TPTE2: variants seen among roughly 807,000 people sequenced by gnomAD.
TPTE2 encodes transmembrane phosphoinositide 3-phosphatase and tensin homolog 2, also known as phosphatidylinositol 3,4,5-trisphosphate 3-phosphatase TPTE2.
Under a neutral mutation model 78.6 loss-of-function variants are expected in TPTE2, and 53 were observed. The observed-to-expected ratio is 0.67, with a 90% CI of 0.54 to 0.85. TPTE2 has a LOEUF of 0.85. TPTE2 is among the 40% of genes least tolerant of loss of function. TPTE2 has a pLI of 0.00. For synonymous variants in TPTE2, 175 were observed against 206.2 expected, an observed-to-expected ratio of 0.85 and a Z score of 1.30; for missense variants, 461 against 623.0, an observed-to-expected ratio of 0.74 and a Z score of 2.77.
intron 13 of TPTE2, among the ~76,000 whole-genome samples, chr13:19,446,844 A>G (rs1877872369): frequency 6.6e-6 from 1 of 152,124 alleles, no homozygotes; most frequent in Non-Finnish European, 1.5e-5. Context: ...AGAGGGGCTG[A>G]GATGGGAGGA....
chr13:19,427,223 T>TAC (rs1316187143), intron 17 of TPTE2, among the ~76,000 whole-genome samples: 2 of 151,304 alleles, frequency 1.3e-5, no homozygotes, highest in African/African-American at 4.9e-5. Flanking sequence ...TAGCTGGGAC[T>TAC]ACAGGCACGT....
chr13:19,504,828 T>C (rs1342192152), upstream of TPTE2, among the ~76,000 whole-genome samples: 1 of 152,048 alleles, frequency 6.6e-6, no homozygotes, highest in Non-Finnish European at 1.5e-5. Flanking sequence ...TTCTGTTGTT[T>C]CTCTCTCTCT....
intron 14 of TPTE2, among the ~76,000 whole-genome samples, chr13:19,437,419 G>C: frequency 6.6e-6 from 1 of 152,186 alleles, no homozygotes; most frequent in East Asian, 1.9e-4. Context: ...AGCCCACCTT[G>C]TCTAATCAGA....
chr13:19,537,295 G>A (rs139629308), upstream of TPTE2, among the ~76,000 whole-genome samples: 4,392 of 149,094 alleles, frequency 0.029, 183 homozygotes, highest in African/African-American at 0.095. Flanking sequence ...GTGCAGTGGC[G>A]CGATCTTGGC....
At chr13:19,487,510 T>A (rs1880732512) in intron 3 of TPTE2, among the ~76,000 whole-genome samples, 1 of 152,114 alleles carries the variant, frequency 6.6e-6, no homozygotes, top group African/African-American at 2.4e-5. Context: ...GGGAGAGGGC[T>A]TGCAGTGGTT....
intron 13 of TPTE2, among the ~76,000 whole-genome samples, chr13:19,447,425 G>T (rs1877913676): frequency 6.6e-6 from 1 of 152,122 alleles, no homozygotes; most frequent in South Asian, 2.1e-4. Context: ...TAAAGCAAAA[G>T]ATGGTTAAAA....
At chr13:19,438,094 C>T (rs761322733) in exon 14 of TPTE2, 5 of 1,606,574 alleles carry the variant, frequency 3.1e-6, no homozygotes, top group Admixed American at 1.7e-5. Context: ...TTTCATACCT[C>T]GGCAGTTAAA....
chr13:19,502,363 G>A (rs1868645029), intron 1 of TPTE2, among the ~76,000 whole-genome samples: 5 of 151,392 alleles, frequency 3.3e-5, no homozygotes, highest in Admixed American at 2.6e-4. Flanking sequence ...ATTTATTGTG[G>A]CATTATTCAC....
intron 3 of TPTE2, among the ~76,000 whole-genome samples, chr13:19,487,115 T>C (rs1880707141): frequency 6.6e-6 from 1 of 151,514 alleles, no homozygotes; most frequent in Non-Finnish European, 1.5e-5. Context: ...GGCCTGGGAG[T>C]ATTTCTGTGG....
the TPTE2 span, chr13:19,560,485 T>A: frequency 3.1e-6 from 5 of 1,594,426 alleles, no homozygotes; most frequent in Non-Finnish European, 4.3e-6. Context: ...CACCAGCACC[T>A]CCATTCATAC....
intron 10 of TPTE2, among the ~76,000 whole-genome samples, chr13:19,460,428 G>A (rs571738377): frequency 1.3e-5 from 2 of 152,346 alleles, no homozygotes; most frequent in African/African-American, 2.4e-5. Flanking sequence ...TATCTCAGTT[G>A]AAGGTGCTGA....
At chr13:19,533,467 G>A (rs945179017) in intron 1 of TPTE2, among the ~76,000 whole-genome samples, 1 of 152,240 alleles carries the variant, frequency 6.6e-6, no homozygotes, top group Non-Finnish European at 1.5e-5. Context: ...GGAAGGTTAT[G>A]TTAACTAAAT....
intron 13 of TPTE2, among the ~76,000 whole-genome samples, chr13:19,443,779 C>CACACACAG (rs34742234): frequency 0.018 from 2,580 of 146,354 alleles, 71 homozygotes; most frequent in African/African-American, 0.019. Flanking sequence ...CACACACACA[C>CACACACAG]AGTCGTTAAG....
intron 1 of TPTE2, among the ~76,000 whole-genome samples, chr13:19,494,186 C>T (rs984020308): frequency 6.6e-6 from 1 of 152,102 alleles, no homozygotes; most frequent in Non-Finnish European, 1.5e-5. Flanking sequence ...TTACTAAGGG[C>T]GACAAGACAG....
At chr13:19,529,484 T>G (rs559653790) in intron 1 of TPTE2, among the ~76,000 whole-genome samples, 1 of 152,298 alleles carries the variant, frequency 6.6e-6, no homozygotes, top group South Asian at 2.1e-4. Context: ...TATTTAAATC[T>G]CTTGATTTTA....
At chr13:19,437,177 A>G (rs981930661) in intron 14 of TPTE2, among the ~76,000 whole-genome samples, 8 of 152,194 alleles carry the variant, frequency 5.3e-5, no homozygotes, top group African/African-American at 1.9e-4. Flanking sequence ...CTGATAAATC[A>G]TGATCCACAG....
chr13:19,560,318 G>C, the TPTE2 span: 3 of 1,397,278 alleles, frequency 2.1e-6, no homozygotes, highest in Admixed American at 5.1e-5. Flanking sequence ...TACTCCCCTC[G>C]CTCCAGCCGC....
intron 1 of TPTE2, among the ~76,000 whole-genome samples, chr13:19,509,705 A>G (rs1376450255): frequency 6.6e-6 from 1 of 152,202 alleles, no homozygotes; most frequent in Non-Finnish European, 1.5e-5. Flanking sequence ...TACAAAATCT[A>G]TGTCAACATA....
At chr13:19,490,189 T>C (rs776141369) in intron 3 of TPTE2, among the ~76,000 whole-genome samples, 2 of 152,138 alleles carry the variant, frequency 1.3e-5, no homozygotes, top group Non-Finnish European at 2.9e-5. Flanking sequence ...TCTTAATATA[T>C]CCCTCTCTTC....
Sources: allele counts gnomAD v4.1 joint callset (sites outside exome capture counted in the v4.1 genomes callset), GRCh38; gene constraint gnomAD v4.1.1; transcripts MANE v1.5; gene names NCBI Gene and HGNC (gene_info 2026-07-23, HGNC 2026-07-21).